Variants in UST observed in about 807,000 individuals in gnomAD.
UST encodes the protein chondroitin sulfate 2-O-sulfotransferase.
Under a neutral mutation model 45.6 loss-of-function variants are expected in UST, and 21 were observed. That is an observed-to-expected ratio of 0.46 (90% CI 0.33 to 0.66). UST has a LOEUF of 0.66. UST is among the 30% of genes least tolerant of loss of function. The pLI is 0.02. For synonymous variants in UST, 215 were observed against 200.6 expected (o/e 1.07, Z -0.61); for missense variants, 463 against 512.4 (o/e 0.90, Z 0.93).
intron 7 of UST, among the ~76,000 whole-genome samples, chr6:149,047,455 A>G (rs1249990750): frequency 6.6e-6 from 1 of 152,262 alleles, no homozygotes; most frequent in Admixed American, 6.5e-5. Flanking sequence ...GTCAGAGTCA[A>G]GGAAACACAT....
intron 2 of UST, among the ~76,000 whole-genome samples, chr6:148,930,080 A>T (rs1779892222): frequency 6.6e-6 from 1 of 151,920 alleles, no homozygotes; most frequent in Non-Finnish European, 1.5e-5. Context: ...AGATACCAAG[A>T]CTCCGTTCAA....
intron 4 of UST, among the ~76,000 whole-genome samples, chr6:148,959,271 G>A (rs899828860): frequency 1.2e-4 from 19 of 152,238 alleles, no homozygotes; most frequent in African/African-American, 4.3e-4. Context: ...AGTCAATTTG[G>A]TTTTCACATC....
intron 5 of UST, among the ~76,000 whole-genome samples, chr6:149,018,114 T>C (rs760704693): frequency 2.0e-5 from 3 of 152,236 alleles, no homozygotes; most frequent in Non-Finnish European, 4.4e-5. Context: ...ATTTACTTAA[T>C]TGGCATATAA....
intron 1 of UST, among the ~76,000 whole-genome samples, chr6:148,876,729 A>G (rs1360359004): frequency 1.3e-5 from 2 of 151,870 alleles, no homozygotes; most frequent in African/African-American, 4.8e-5. Flanking sequence ...CTTGTCAGCA[A>G]TTCTACCAAT....
chr6:148,957,778 G>C (rs1780549166), intron 4 of UST, among the ~76,000 whole-genome samples: 1 of 152,188 alleles, frequency 6.6e-6, no homozygotes, highest in Admixed American at 6.5e-5. Flanking sequence ...GATGTATTTT[G>C]ACTGATAAGT....
At chr6:148,942,675 A>C (rs1295816392) in intron 3 of UST, among the ~76,000 whole-genome samples, 3 of 152,350 alleles carry the variant, frequency 2.0e-5, no homozygotes, top group South Asian at 4.2e-4. Context: ...AACAGAGGGA[A>C]TCTCATTCTT....
rs898125623 is a variant in UST, at chr6:148,934,179, G to T, written c.292-7100G>T. ...AAGGGTGTGAAGTGACTGGCTTCTA[G>T]CACCACAGTGTCCTAGGAACTTTAA... On this transcript the variant is annotated intron_variant, in intron 2 of 7. Transcript: ENST00000367463. This position sits in a 1 kb window ranked among gnomAD's most constrained non-coding sequence, Gnocchi z 4.1. Among the ~76,000 whole-genome samples the T allele has an allele frequency of 1.3e-5, 2 of 152,132 alleles. No individual in the cohort carries two copies. The highest frequency in any genetic ancestry group is 2.9e-5 in the Non-Finnish European group (2 of 68,010).
intron 7 of UST, among the ~76,000 whole-genome samples, chr6:149,042,963 CTT>C (rs1312211016): frequency 8.0e-5 from 5 of 62,484 alleles, no homozygotes; most frequent in Non-Finnish European, 1.5e-4. Flanking sequence ...CCTTTTCTTT[CTT>C]TCTTTCTTTC....
intron 5 of UST, among the ~76,000 whole-genome samples, chr6:148,985,552 T>TTAGAGAA (rs1781223796): frequency 1.3e-5 from 2 of 152,138 alleles, no homozygotes; most frequent in African/African-American, 4.8e-5. Flanking sequence ...AACGTAACCA[T>TTAGAGAA]TAGATTTCTA....
At chr6:148,793,890 A>G (rs11155594) in intron 1 of UST, among the ~76,000 whole-genome samples, 30,217 of 152,076 alleles carry the variant, frequency 0.2, 3,649 homozygotes, top group Admixed American at 0.26. Flanking sequence ...CTGTTGATTG[A>G]TGGACTTTTG....
At chr6:148,798,391 G>A (rs1442173500) in intron 1 of UST, among the ~76,000 whole-genome samples, 1 of 152,164 alleles carries the variant, frequency 6.6e-6, no homozygotes, top group Non-Finnish European at 1.5e-5. Flanking sequence ...CTAACGGGCT[G>A]TGTTTGGGGA....
Position 148,934,853 on chromosome 6 carries a change from T to C in UST, c.292-6426T>C, listed in dbSNP as rs118055273. Among the ~76,000 whole-genome samples the C allele has an allele frequency of 4.4e-3, 670 of 152,286 alleles. 4 individuals carry two copies. The highest frequency in any genetic ancestry group is 9.6e-3 in the Admixed American group (147 of 15,290). ...GCCCAGAAATCTGCATTTTTAAAAGTTCTGTGAGGAATTTGAATATACAGT... is the reference window on the plus strand; with the variant it reads ...GCCCAGAAATCTGCATTTTTAAAAGCTCTGTGAGGAATTTGAATATACAGT... On this transcript the variant is annotated intron_variant, in intron 2 of 7. Coordinates refer to ENST00000367463, the MANE Select transcript of UST (RefSeq NM_005715.3). The surrounding 1 kb of genome is among the most constrained non-coding windows in gnomAD (Gnocchi z 4.1).
chr6:149,029,484 A>T (rs1290991891), intron 7 of UST, among the ~76,000 whole-genome samples: 2 of 145,570 alleles, frequency 1.4e-5, no homozygotes, highest in South Asian at 2.1e-4. Context: ...TAATGTATAT[A>T]TAATATATAA....
intron 4 of UST, among the ~76,000 whole-genome samples, 157 bp from the exon 5 acceptor site, chr6:148,964,253 T>C (rs565237424): frequency 1.4e-4 from 22 of 152,288 alleles, no homozygotes; most frequent in Admixed American, 3.3e-4. Context: ...AAAATGCTTA[T>C]CAGGAAACAC....
chr6:149,003,789 G>A (rs1007663007), intron 5 of UST, among the ~76,000 whole-genome samples: 10 of 152,176 alleles, frequency 6.6e-5, no homozygotes, highest in African/African-American at 2.4e-4. Flanking sequence ...CTGCAGGTGT[G>A]GCTTTTAGAA....
chr6:149,010,108 C>CTTTGTAAACATTTTAAATGACTGCAGTTA (rs1775781266), intron 5 of UST, among the ~76,000 whole-genome samples: 1 of 151,642 alleles, frequency 6.6e-6, no homozygotes, highest in Non-Finnish European at 1.5e-5. Flanking sequence ...GTTACATATT[C>CTTTGTAAACATTTTAAATGACTGCAGTTA]TTTGTAAACA....
At chr6:148,861,391 CTTCT>C (rs1233992945) in intron 1 of UST, among the ~76,000 whole-genome samples, 2 of 151,908 alleles carry the variant, frequency 1.3e-5, no homozygotes, top group Admixed American at 6.6e-5. Context: ...TCTCTCTTTT[CTTCT>C]TTATTAGTCT....
intron 7 of UST, among the ~76,000 whole-genome samples, chr6:149,031,599 T>C (rs1182732222): frequency 6.6e-6 from 1 of 152,244 alleles, no homozygotes; most frequent in Non-Finnish European, 1.5e-5. Flanking sequence ...CATTTCCAAT[T>C]TTATTATGAA....
intron 4 of UST, 117 bp from the exon 5 acceptor site, chr6:148,964,293 T>C: frequency 8.7e-6 from 11 of 1,263,870 alleles, no homozygotes; most frequent in Non-Finnish European, 1.2e-5. Flanking sequence ...ATTGGCACCT[T>C]AGCATAGGAG....
Sources: allele counts gnomAD v4.1 joint callset (sites outside exome capture counted in the v4.1 genomes callset), GRCh38; gene constraint gnomAD v4.1.1; non-coding constraint Gnocchi (gnomAD v3.1); transcripts MANE v1.5; gene names NCBI Gene and HGNC (gene_info 2026-07-23, HGNC 2026-07-21).